The following CELF4 variants were observed in gnomAD, a reference collection of about 807,000 sequenced individuals.
The protein encoded by CELF4 is CUGBP Elav-like family member 4, also known as CUG-BP- and ETR-3-like factor 4.
Under a neutral mutation model 59.9 loss-of-function variants are expected in CELF4, and 18 were observed. That is an observed-to-expected ratio of 0.30 (90% CI 0.21 to 0.45). The LOEUF is 0.45. CELF4 is among the 20% of genes least tolerant of loss of function. CELF4 has a pLI of 1.00. For missense variants in CELF4, 456 were observed against 689.0 expected, an observed-to-expected ratio of 0.66 and a Z score of 3.79; for synonymous variants, 261 against 267.1, an observed-to-expected ratio of 0.98 and a Z score of 0.22.
chr18:37,321,738 G>A, intron 3 of CELF4, 65 bp downstream of exon 3: 2 of 1,206,256 alleles, frequency 1.7e-6, no homozygotes, highest in Non-Finnish European at 2.4e-6. Flanking sequence ...TCGCCTTGCT[G>A]CGTCGGGAAA....
At chr18:37,469,671 A>G (rs1238375010) in intron 2 of CELF4, among the ~76,000 whole-genome samples, 1 of 152,244 alleles carries the variant, frequency 6.6e-6, no homozygotes, top group Non-Finnish European at 1.5e-5. Context: ...TCGTTTAATA[A>G]GAATAGAAGA....
At chr18:37,448,598 C>T (rs1603641441) in intron 2 of CELF4, among the ~76,000 whole-genome samples, 1 of 152,182 alleles carries the variant, frequency 6.6e-6, no homozygotes, top group African/African-American at 2.4e-5. Flanking sequence ...AGGTGCTGGC[C>T]CCTGACAGCG....
chr18:37,335,877 T>C (rs2097756537), intron 2 of CELF4, among the ~76,000 whole-genome samples: 1 of 152,196 alleles, frequency 6.6e-6, no homozygotes, highest in Admixed American at 6.5e-5. Flanking sequence ...TGGCATGGCC[T>C]CCAGCCCAAG....
chr18:37,509,415 C>T (rs955655306), intron 1 of CELF4, among the ~76,000 whole-genome samples: 1 of 151,848 alleles, frequency 6.6e-6, no homozygotes, highest in Non-Finnish European at 1.5e-5. Flanking sequence ...TGGCATCTTT[C>T]ATTTGGTTGA....
In CELF4 at chr18:37,565,459, G is replaced by T. The variant is rs1255925367; in HGVS notation, c.183C>A (p.Ile61=). The T allele has an allele frequency of 1.2e-6, 2 of 1,613,994 alleles. No homozygotes were observed. The highest frequency in any genetic ancestry group is 1.7e-6 in the Non-Finnish European group (2 of 1,180,038). ...HDAIKLFIGQ[I]PRNLDEKDLK... is the part of the protein sequence containing the mutation. ...GGTCCTTCTCATCCAGGTTGCGGGG[G>T]ATCTGCCCAATGAACAGCTTGATGG... The change falls in exon 1 of 13, where the codon ATC becomes ATA. Residue 61 remains isoleucine (I), a synonymous_variant. Coordinates refer to ENST00000420428, the MANE Select transcript of CELF4 (RefSeq NM_020180.4).
At chr18:37,515,733 G>A (rs1394963135) in intron 1 of CELF4, among the ~76,000 whole-genome samples, 1 of 152,146 alleles carries the variant, frequency 6.6e-6, no homozygotes, top group Non-Finnish European at 1.5e-5. Context: ...AGCTCTGGGG[G>A]TGTGGGCATG....
chr18:37,360,802 G>C (rs2098691697), intron 2 of CELF4, among the ~76,000 whole-genome samples: 1 of 152,220 alleles, frequency 6.6e-6, no homozygotes, highest in Admixed American at 6.5e-5. Flanking sequence ...CTTGGGATTT[G>C]TAGCCAGACA....
chr18:37,529,622 T>C (rs12963894), intron 1 of CELF4, among the ~76,000 whole-genome samples: 83,491 of 151,954 alleles, frequency 0.55, 24,292 homozygotes, highest in East Asian at 0.81. Context: ...CAAGGGGAGC[T>C]GACAGTTTTG....
chr18:37,485,679 G>T, intron 1 of CELF4, 72 bp from the exon 2 acceptor site: 1 of 980,392 alleles, frequency 1.0e-6, no homozygotes. Flanking sequence ...CCTGCCGCCC[G>T]CCCTCCAGGC....
chr18:37,266,411 T>C, intron 9 of CELF4, 122 bp downstream of exon 9: 3 of 1,046,018 alleles, frequency 2.9e-6, no homozygotes, highest in South Asian at 1.4e-5. Flanking sequence ...GCCCTCCCTC[T>C]TTCCACTCTC....
chr18:37,323,677 C>A (rs1459237992), intron 2 of CELF4, among the ~76,000 whole-genome samples: 1 of 152,198 alleles, frequency 6.6e-6, no homozygotes, highest in African/African-American at 2.4e-5. Flanking sequence ...TTCTTCTCCC[C>A]CAAACAGGTC....
intron 2 of CELF4, among the ~76,000 whole-genome samples, chr18:37,336,171 G>A (rs1440355991): frequency 6.6e-6 from 1 of 152,184 alleles, no homozygotes; most frequent in African/African-American, 2.4e-5. Flanking sequence ...CTCAGGGAGG[G>A]CTCACAGCCA....
chr18:37,363,699 G>C (rs1336237712), intron 2 of CELF4, among the ~76,000 whole-genome samples: 1 of 152,200 alleles, frequency 6.6e-6, no homozygotes, highest in South Asian at 2.1e-4. Context: ...ATTTAGCATG[G>C]CTTCTTCATA....
intron 2 of CELF4, among the ~76,000 whole-genome samples, chr18:37,445,980 G>A (rs1426551556): frequency 6.6e-6 from 1 of 152,184 alleles, no homozygotes; most frequent in Non-Finnish European, 1.5e-5. Flanking sequence ...TTCAAGGCAG[G>A]TATTAATATC....
intron 3 of CELF4, among the ~76,000 whole-genome samples, chr18:37,291,473 A>G (rs563453802): frequency 6.6e-6 from 1 of 152,294 alleles, no homozygotes; most frequent in South Asian, 2.1e-4. Flanking sequence ...CCTTCAGCGA[A>G]GATAAAATGT....
chr18:37,357,039 G>A (rs546798317), intron 2 of CELF4, among the ~76,000 whole-genome samples: 6 of 152,258 alleles, frequency 3.9e-5, no homozygotes, highest in East Asian at 3.9e-4. Flanking sequence ...TCCACCACTC[G>A]CTTCACTGGG....
intron 2 of CELF4, among the ~76,000 whole-genome samples, chr18:37,344,977 G>A (rs1279941851): frequency 6.6e-6 from 1 of 152,158 alleles, no homozygotes; most frequent in African/African-American, 2.4e-5. Context: ...TGCTCCACCT[G>A]CCAGAACCCA....
intron 2 of CELF4, among the ~76,000 whole-genome samples, chr18:37,408,613 G>C (rs1165042666): frequency 2.0e-5 from 3 of 152,036 alleles, no homozygotes; most frequent in South Asian, 2.1e-4. Flanking sequence ...CCTAGAATTG[G>C]AGGCAGAGTT....
chr18:37,409,155 G>T (rs2099413603), intron 2 of CELF4, among the ~76,000 whole-genome samples: 2 of 152,202 alleles, frequency 1.3e-5, no homozygotes, highest in South Asian at 4.1e-4. Flanking sequence ...GGCTCTCCCT[G>T]GCGATTTGAT....
Sources: gnomAD v4.1 joint callset for allele counts (sites outside exome capture counted in the v4.1 genomes callset) on GRCh38, gnomAD v4.1.1 for gene constraint, MANE v1.5 for transcripts, NCBI Gene and HGNC (gene_info 2026-07-23, HGNC 2026-07-21) for gene names.